The following GPR89B variants were observed in gnomAD, a reference collection of about 807,000 sequenced individuals.
The protein encoded by GPR89B is golgi pH regulator B, also known as G protein-coupled receptor 89B.
GPR89B carries 25 observed loss-of-function variants against 52.4 expected under a neutral mutation model. That is an observed-to-expected ratio of 0.48 (90% CI 0.35 to 0.67). The LOEUF (loss-of-function observed/expected upper bound fraction) is 0.67, where lower values mean the gene tolerates loss of function less well. Ranked by LOEUF, GPR89B falls within the 30% of genes least tolerant of loss-of-function variation. GPR89B has a pLI of 0.01. For synonymous variants in GPR89B, 52 were observed against 151.2 expected, an observed-to-expected ratio of 0.34 and a Z score of 4.81; for missense variants, 146 against 450.2, an observed-to-expected ratio of 0.32 and a Z score of 6.11.
rs1156770432 is a variant in GPR89B at position 147,960,402 on chromosome 1, A to AAGCAT, written c.617+6001_617+6005dup. 1.9e-3 allele frequency among the ~76,000 whole-genome samples: 290 copies of AAGCAT among 152,170 alleles called. 1 individual carries two copies. Among genetic ancestry groups the AAGCAT allele is most frequent in the South Asian group, 4.6e-3 (22 of 4,826 alleles). ...CAAATATATTCAAAAAAGTGAAGGA[A>AAGCAT]AGCATGATACAAGTGAAAAGAGAAT... On this transcript the variant is annotated intron_variant, in intron 7 of 13. Transcript: ENST00000314163.
At chr1:148,020,847 C>T in the GPR89B span, among the ~76,000 whole-genome samples, 1 of 151,698 alleles carries the variant, frequency 6.6e-6, no homozygotes, top group East Asian at 1.9e-4. Flanking sequence ...GTCACCATTT[C>T]CTGCTAGTTT....
chr1:147,936,410 T>C (rs1553247879), intron 1 of GPR89B, among the ~76,000 whole-genome samples: 1 of 152,232 alleles, frequency 6.6e-6, no homozygotes. Context: ...TAAAGCATAC[T>C]CTGTAACATG....
chr1:147,981,808 A>G (rs1260924710), intron 10 of GPR89B, among the ~76,000 whole-genome samples: 120 of 151,656 alleles, frequency 7.9e-4, no homozygotes, highest in Non-Finnish European at 1.4e-3. Context: ...GCGTACCACC[A>G]TGCCTGGCTG....
chr1:147,975,039 T>C (rs1470050716), intron 10 of GPR89B, among the ~76,000 whole-genome samples: 2 of 151,742 alleles, frequency 1.3e-5, no homozygotes, highest in Non-Finnish European at 2.9e-5. Context: ...TCGTGGTAGA[T>C]GAGCTTTTTG....
chr1:147,949,561 G>A (rs1323955554), intron 5 of GPR89B, among the ~76,000 whole-genome samples: 1 of 132,542 alleles, frequency 7.5e-6, no homozygotes, highest in Non-Finnish European at 1.6e-5. Context: ...GGGGCGGCTG[G>A]CCGGGCGGGG....
chr1:147,998,961 T>C, the GPR89B span, among the ~76,000 whole-genome samples: 1 of 151,470 alleles, frequency 6.6e-6, no homozygotes, highest in Admixed American at 6.6e-5. Context: ...CAGGGACTGC[T>C]AGAGGGTTGT....
At chr1:148,009,394 A>G in the GPR89B span, 7 of 1,611,854 alleles carry the variant, frequency 4.3e-6, no homozygotes, top group African/African-American at 9.4e-5. Flanking sequence ...TTCACGAGAT[A>G]GCAGAGCCGG....
the GPR89B span, among the ~76,000 whole-genome samples, chr1:148,018,429 A>G: frequency 6.7e-6 from 1 of 149,920 alleles, no homozygotes; most frequent in South Asian, 2.1e-4. Context: ...AAAAAAAAAA[A>G]AAAGAAAGAA....
the GPR89B span, chr1:148,009,222 G>T: frequency 9.2e-7 from 1 of 1,084,374 alleles, no homozygotes; most frequent in Non-Finnish European, 1.4e-6. Flanking sequence ...GCTGTTGCAA[G>T]CTATCTATAG....
At chr1:147,971,449 C>T (rs1216542119) in intron 10 of GPR89B, among the ~76,000 whole-genome samples, 2 of 145,026 alleles carry the variant, frequency 1.4e-5, no homozygotes, top group African/African-American at 5.2e-5. Context: ...TCACACCCGG[C>T]CTAGGGAAGC....
intron 8 of GPR89B, chr1:147,968,170 G>GC: frequency 2.4e-6 from 1 of 424,240 alleles, no homozygotes; most frequent in East Asian, 7.0e-5. Flanking sequence ...ACCTCCCTGA[G>GC]CCCCTGTTCT....
intron 5 of GPR89B, among the ~76,000 whole-genome samples, chr1:147,944,956 T>C (rs1270422842): frequency 6.6e-6 from 1 of 152,046 alleles, no homozygotes; most frequent in Non-Finnish European, 1.5e-5. Flanking sequence ...GGCTTCTTAT[T>C]GCAGAAAACA....
chr1:148,003,349 C>T, the GPR89B span, among the ~76,000 whole-genome samples: 7 of 152,016 alleles, frequency 4.6e-5, no homozygotes, highest in Non-Finnish European at 8.8e-5. Flanking sequence ...ACACCTCGGC[C>T]TCAGGTCCAG....
chr1:147,994,498 T>A (rs1269537213), downstream of GPR89B: 10 of 559,682 alleles, frequency 1.8e-5, no homozygotes, highest in Non-Finnish European at 3.0e-5. Flanking sequence ...ACAGCAATTG[T>A]GTAGAGCTGA....
chr1:148,020,854 G>T, the GPR89B span, among the ~76,000 whole-genome samples: 2 of 151,628 alleles, frequency 1.3e-5, no homozygotes, highest in Non-Finnish European at 2.9e-5. Context: ...TTTCCTGCTA[G>T]TTTTTGTATT....
chr1:147,935,132 T>C (rs1653971650), intron 1 of GPR89B, among the ~76,000 whole-genome samples: 1 of 152,170 alleles, frequency 6.6e-6, no homozygotes, highest in Non-Finnish European at 1.5e-5. Flanking sequence ...AAAAGAGCAA[T>C]TTATCTGCAT....
rs1402771256 is a variant in GPR89B, at chr1:147,980,007, G to T, written c.910-6192G>T. Among the ~76,000 whole-genome samples the T allele has an allele frequency of 8.0e-3, 1,206 of 151,180 alleles. 17 individuals carry two copies. Among genetic ancestry groups the T allele is most frequent in the African/African-American group, 0.027 (1,108 of 40,986 alleles). ...AGGCTATGGTGGGAGGATCGCTTGA[G>T]CCCAGAAGTCCAAGGCCTCAGTGAG... On this transcript the variant is annotated intron_variant, in intron 10 of 13. Transcript: ENST00000314163.
intron 5 of GPR89B, among the ~76,000 whole-genome samples, chr1:147,948,904 G>GCGGCCTTC (rs1655248471): frequency 6.6e-6 from 1 of 152,054 alleles, no homozygotes; most frequent in Non-Finnish European, 1.5e-5. Context: ...AGAGGACCCT[G>GCGGCCTTC]CGGCCTTCCG....
chr1:147,979,601 G>A (rs1445846098), intron 10 of GPR89B, among the ~76,000 whole-genome samples: 42 of 152,000 alleles, frequency 2.8e-4, no homozygotes, highest in African/African-American at 1.0e-3. Flanking sequence ...AAAAGGTGTT[G>A]GATTTTGTTA....
Sources: allele counts gnomAD v4.1 joint callset (sites outside exome capture counted in the v4.1 genomes callset), GRCh38; gene constraint gnomAD v4.1.1; transcripts MANE v1.5; gene names NCBI Gene and HGNC (gene_info 2026-07-23, HGNC 2026-07-21).